The following CC2D2A variants were observed in gnomAD, a reference collection of about 807,000 sequenced individuals.
CC2D2A encodes coiled-coil and C2 domain containing 2A, also known as coiled-coil and C2 domain-containing protein 2A.
CC2D2A carries 155 observed loss-of-function variants against 212.9 expected under a neutral mutation model. The ratio of observed to expected loss-of-function variants is 0.73; its 90% CI spans 0.64 to 0.83. CC2D2A has a LOEUF of 0.83. Among genes scored for constraint, CC2D2A ranks in the 40% least tolerant of loss-of-function variants. The probability of loss-of-function intolerance (pLI) is 0.00; values close to 1 mark genes in which losing one functional copy is unlikely to be tolerated. For synonymous variants in CC2D2A, 667 were observed against 686.5 expected (o/e 0.97, Z 0.44); for missense variants, 1,856 against 1,956.2 (o/e 0.95, Z 0.97).
At position 15,502,984 on chromosome 4, in the gene CC2D2A, G is replaced by T. The variant is rs566281824; in HGVS notation, c.438+61G>T. 1.2e-5 allele frequency: 16 copies of T among 1,365,234 alleles called. 1 individual carries two copies. In the South Asian group the frequency reaches 2.0e-4, roughly 17 times the overall value. The allele number at this position is 1,365,234 out of a possible 1,614,324, so 84.6% of individuals were successfully genotyped here. On this transcript the variant is annotated intron_variant, in intron 6 of 36. Transcript: ENST00000424120. ...AGTAAAGCAGAATATAAAGTTTCCA[G>T]CAAAAGTTTTTAGAGCAGAGCTATG...
At chr4:15,478,599 C>T in intron 2 of CC2D2A, 124 bp from the exon 3 acceptor site, 1 of 669,698 alleles carries the variant, frequency 1.5e-6, no homozygotes, top group Non-Finnish European at 2.6e-6. Context: ...TAACTGTCCC[C>T]CAACTCACAC....
At chr4:15,493,228 A>C (rs1386194584) in intron 4 of CC2D2A, among the ~76,000 whole-genome samples, 4 of 150,128 alleles carry the variant, frequency 2.7e-5, no homozygotes, top group Non-Finnish European at 5.9e-5. Flanking sequence ...GGAGGCCCTT[A>C]CCTGGCCACT....
chr4:15,502,626 T>C, intron 5 of CC2D2A, 109 bp downstream of exon 5: 12 of 1,101,184 alleles, frequency 1.1e-5, no homozygotes, highest in Non-Finnish European at 1.6e-5. Context: ...ACCATTCAAT[T>C]TGTCTTTCAA....
chr4:15,599,492 G>A lies in CC2D2A; in HGVS notation c.4497-37G>A, dbSNP rs957804716. ...ATACATTTTTTAACAAGGGAAAAGT[G>A]AGTCACCAAAAAATGGAATTTATGT... is the stretch of plus-strand genomic sequence containing the variant. On this transcript the variant is annotated intron_variant, in intron 35 of 36. Transcript: ENST00000424120. 4.4e-6 allele frequency: 6 copies of A among 1,368,690 alleles called. No individual in the cohort carries two copies. The Admixed American group carries it at 1.1e-4, about 26-fold the overall frequency. The allele number at this position is 1,368,690 out of a possible 1,614,324, so 84.8% of individuals were successfully genotyped here. A position where few individuals can be genotyped will look rare whatever the true frequency, so the allele number is the denominator to read the frequency against.
chr4:15,479,382 T>C, intron 3 of CC2D2A: 1 of 1,343,944 alleles, frequency 7.4e-7, no homozygotes, highest in Non-Finnish European at 1.0e-6. Flanking sequence ...GAAGCAGCTA[T>C]TGTGGATGGG....
intron 6 of CC2D2A, among the ~76,000 whole-genome samples, chr4:15,508,203 C>T (rs1716367146): frequency 6.6e-6 from 1 of 152,176 alleles, no homozygotes; most frequent in Admixed American, 6.5e-5. Context: ...CTCAGAGGAT[C>T]CCTGTGGGTT....
chr4:15,516,256 G>A (rs1274872222), intron 10 of CC2D2A, among the ~76,000 whole-genome samples: 1 of 151,934 alleles, frequency 6.6e-6, no homozygotes, highest in African/African-American at 2.4e-5. Flanking sequence ...ACCAGATCCT[G>A]GCAACATTTT....
intron 33 of CC2D2A, among the ~76,000 whole-genome samples, chr4:15,593,062 A>C (rs374869596): frequency 8.5e-5 from 13 of 152,222 alleles, no homozygotes; most frequent in African/African-American, 2.2e-4. Context: ...ATTTCTATAA[A>C]TAACTAACTA....
At position 15,570,435 on chromosome 4, in the gene CC2D2A, T is replaced by C. The variant is rs376674451; in HGVS notation, c.3533T>C (p.Ile1178Thr). 3.0e-5 allele frequency: 49 copies of C among 1,608,122 alleles called. No individual in the cohort carries two copies. The highest frequency in any genetic ancestry group is 4.0e-5 in the Non-Finnish European group (47 of 1,176,434). Residue 1178 changes from isoleucine (I) to threonine (T), a missense_variant, in exon 28 of 37, where the codon ATT (isoleucine) becomes ACT (threonine). Transcript: ENST00000424120. ...AGAGGAAGTGGAATCCATACTCGTA[T>C]TGAGAGACACTGGCTGGGATGTGTG... ...RERGSGIHTR[I>T]ERHWLGCVKM...
At chr4:15,478,835 G>A (rs772353449) in intron 3 of CC2D2A, 29 bp downstream of exon 3, 23 of 1,508,228 alleles carry the variant, frequency 1.5e-5, no homozygotes, top group Non-Finnish European at 1.8e-5. Context: ...CTGTGTCTGC[G>A]TATTGTCATT....
chr4:15,514,999 A>G (rs1157809148), intron 9 of CC2D2A, 130 bp downstream of exon 9: 6 of 780,266 alleles, frequency 7.7e-6, no homozygotes, highest in Non-Finnish European at 1.2e-5. Flanking sequence ...ATCAAGAAAT[A>G]TCTTCAAACA....
At chr4:15,547,495 T>A (rs928574042) in intron 17 of CC2D2A, among the ~76,000 whole-genome samples, 6 of 152,132 alleles carry the variant, frequency 3.9e-5, no homozygotes, top group Admixed American at 3.9e-4. Flanking sequence ...ATAACCATCA[T>A]TCTACTCTTT....
chr4:15,567,388 A>G lies in CC2D2A; in HGVS notation c.3194A>G (p.Gln1065Arg). Residue 1065 changes from glutamine to arginine, a missense_variant, in exon 25 of 37, where the codon CAG becomes CGG. By Grantham distance (43) the Gln-to-Arg change is conservative (BLOSUM62 1). Around this residue, in one of 5 missense-constraint regions of CC2D2A, gnomAD observed 1,512 missense variants for 1,579.3 expected, o/e 0.96. Coordinates refer to ENST00000424120, the MANE Select transcript of CC2D2A (RefSeq NM_001378615.1). ...VRKPAVSKFQ[Q>R]PSRSSRMFSE... ...ATTTTCTCTCCTAGCAAATTCCAGC[A>G]GCCGTCGAGGTCTTCAAGGATGTTC... 1 of 1,613,134 alleles carries G rather than the reference A, an allele frequency of 6.2e-7. No individual in the cohort carries two copies. The highest frequency in any genetic ancestry group is 8.5e-7 in the Non-Finnish European group (1 of 1,179,410).
intron 1 of CC2D2A, among the ~76,000 whole-genome samples, chr4:15,474,094 A>T (rs941392866): frequency 3.3e-5 from 5 of 152,214 alleles, no homozygotes; most frequent in African/African-American, 1.2e-4. Flanking sequence ...AGATGGCCAG[A>T]GGAATGAAAA....
rs75871321 is a variant in CC2D2A, at chr4:15,540,101, T to C, written c.2004-736T>C. On this transcript the variant is annotated intron_variant, in intron 16 of 36. Coordinates refer to ENST00000424120, the MANE Select transcript of CC2D2A (RefSeq NM_001378615.1). Reference sequence around the variant, plus strand: ...GTTATGTTATATATATTTTCCACAATGGAACAATTTTTAATAAACTACCAC... The same window carrying C: ...GTTATGTTATATATATTTTCCACAACGGAACAATTTTTAATAAACTACCAC... 8.4e-3 allele frequency among the ~76,000 whole-genome samples: 1,275 copies of C among 152,258 alleles called. 12 individuals carry two copies. The highest frequency in any genetic ancestry group is 0.029 in the African/African-American group (1,213 of 41,552).
chr4:15,534,330 G>C (rs771119447), intron 14 of CC2D2A, among the ~76,000 whole-genome samples: 5 of 152,102 alleles, frequency 3.3e-5, no homozygotes, highest in South Asian at 2.1e-4. Context: ...ACTTTAAAAA[G>C]ATAAAATACA....
chr4:15,550,784 C>T, intron 17 of CC2D2A, 40 bp from the exon 18 acceptor site: 1 of 1,479,500 alleles, frequency 6.8e-7, no homozygotes, highest in Non-Finnish European at 9.2e-7. Flanking sequence ...GCACACACTA[C>T]TGCTGTTTTT....
chr4:15,512,600 T>G (rs1716629871), intron 8 of CC2D2A, among the ~76,000 whole-genome samples: 1 of 152,144 alleles, frequency 6.6e-6, no homozygotes, highest in African/African-American at 2.4e-5. Context: ...GGAAGATGGA[T>G]GGATGGTGGT....
Position 15,502,894 on chromosome 4 carries a change from A to G in CC2D2A, c.409A>G (p.Lys137Glu), listed in dbSNP as rs770645719. The change falls in exon 6 of 37, where the codon AAA becomes GAA. Residue 137 changes from lysine (K) to glutamate (E), a missense_variant. Physicochemically the swap from Lys to Glu is moderately conservative, Grantham distance 56 (BLOSUM62 1). Transcript: ENST00000424120. ...RPRRLRSPSK[K>E]ELETEFGTEP... Reference sequence around the variant, plus strand: ...CAGACGCTTACGAAGTCCCAGTAAGAAAGAATTGGAGACTGAATTTGGCAC... The same window carrying G: ...CAGACGCTTACGAAGTCCCAGTAAGGAAGAATTGGAGACTGAATTTGGCAC... The G allele has an allele frequency of 6.2e-7, 1 of 1,610,938 alleles. No homozygotes were observed. Among genetic ancestry groups the G allele is most frequent in the African/African-American group, 1.3e-5 (1 of 74,966 alleles).
Sources: gnomAD v4.1 joint callset for allele counts (sites outside exome capture counted in the v4.1 genomes callset) on GRCh38, gnomAD v4.1.1 for gene constraint, gnomAD v4.1.1 regional missense constraint, MANE v1.5 for transcripts, NCBI Gene and HGNC (gene_info 2026-07-23, HGNC 2026-07-21) for gene names.